Variants in PLCE1 observed in about 807,000 individuals in gnomAD.
The protein encoded by PLCE1 is 1-phosphatidylinositol 4,5-bisphosphate phosphodiesterase epsilon-1.
PLCE1 carries 119 observed loss-of-function variants against 242.8 expected under a neutral mutation model. That is an observed-to-expected ratio of 0.49 (90% CI 0.42 to 0.57). The LOEUF is 0.57. Ranked by LOEUF, PLCE1 falls within the 20% of genes least tolerant of loss-of-function variation. The pLI is 0.00. For missense variants in PLCE1, 2,441 were observed against 2,788.8 expected (o/e 0.88, Z 2.81); for synonymous variants, 945 against 1,017.4 (o/e 0.93, Z 1.35).
At chr10:94,313,012 CTAAT>C (rs2133734937) in intron 27 of PLCE1, among the ~76,000 whole-genome samples, 1 of 152,208 alleles carries the variant, frequency 6.6e-6, no homozygotes, top group South Asian at 2.1e-4. Flanking sequence ...ATATCAGCCT[CTAAT>C]TATGATGGAA....
rs1554877545 is a variant in PLCE1, at chr10:94,179,512, G to GTTTTTTTT, written c.1809+8027_1809+8034dup. On this transcript the variant is annotated intron_variant, in intron 4 of 32. Transcript: ENST00000371380. ...TTTATCTTATTTTTATTTTAGTTTA[G>GTTTTTTTT]TTTTTTTTTTTTTTTTTTGACAGGG... Among the ~76,000 whole-genome samples, 17 of 19,392 alleles carry GTTTTTTTT rather than the reference G, an allele frequency of 8.8e-4. 3 individuals carry two copies. Among genetic ancestry groups the GTTTTTTTT allele is most frequent in the African/African-American group, 1.3e-3 (8 of 6,288 alleles). The allele number at this position is 19,392 out of a possible 152,430, so 12.7% of individuals were successfully genotyped here.
At chr10:94,004,829 G>C (rs568285477) in intron 1 of PLCE1, among the ~76,000 whole-genome samples, 1 of 152,326 alleles carries the variant, frequency 6.6e-6, no homozygotes, top group African/African-American at 2.4e-5. Flanking sequence ...GAGTTTACCT[G>C]AGCCAGATGA....
Position 94,275,606 on chromosome 10 carries a change from C to A in PLCE1, c.4665+1886C>A, listed in dbSNP as rs141478605. On this transcript the variant is annotated intron_variant, in intron 19 of 32. Transcript: ENST00000371380. ...ATCCCAGCACTTTGGGAGGCCGAGG[C>A]AGGTCGATTGCTTGAATCTAGGAGT... is the stretch of plus-strand genomic sequence containing the variant. 3.9e-3 allele frequency among the ~76,000 whole-genome samples: 592 copies of A among 152,268 alleles called. 4 individuals are homozygous for A. Among genetic ancestry groups the A allele is most frequent in the African/African-American group, 0.013 (540 of 41,546 alleles).
intron 14 of PLCE1, among the ~76,000 whole-genome samples, chr10:94,264,297 C>T (rs991477435): frequency 1.3e-5 from 2 of 151,934 alleles, no homozygotes; most frequent in Admixed American, 6.6e-5. Flanking sequence ...AGGTCAAAGA[C>T]CAAGACAGCA....
At chr10:94,078,864 C>T (rs563101380) in intron 2 of PLCE1, among the ~76,000 whole-genome samples, 1 of 152,314 alleles carries the variant, frequency 6.6e-6, no homozygotes. Flanking sequence ...ATTACCAAAT[C>T]TGACCTCCAC....
chr10:94,070,882 C>G (rs567505978), intron 2 of PLCE1, among the ~76,000 whole-genome samples: 1 of 152,246 alleles, frequency 6.6e-6, no homozygotes, highest in African/African-American at 2.4e-5. Context: ...ATCTTAGGAC[C>G]CTCTTTTGCT....
At chr10:94,235,303 A>G (rs2050286083) in intron 6 of PLCE1, among the ~76,000 whole-genome samples, 1 of 151,700 alleles carries the variant, frequency 6.6e-6, no homozygotes. Context: ...TTAAAGGAAG[A>G]CTCCCGGGCC....
intron 2 of PLCE1, among the ~76,000 whole-genome samples, chr10:94,041,655 C>T (rs966924605): frequency 6.6e-6 from 1 of 152,146 alleles, no homozygotes; most frequent in African/African-American, 2.4e-5. Context: ...TTCAGAACCC[C>T]CAGTGCTTCC....
At chr10:94,243,129 A>C (rs1806151985) in intron 7 of PLCE1, among the ~76,000 whole-genome samples, 1 of 152,252 alleles carries the variant, frequency 6.6e-6, no homozygotes, top group South Asian at 2.1e-4. Flanking sequence ...ACAGGTCCTC[A>C]GCCAGGTGAT....
intron 1 of PLCE1, among the ~76,000 whole-genome samples, chr10:94,013,720 G>A (rs566543698): frequency 2.0e-5 from 3 of 152,322 alleles, no homozygotes; most frequent in East Asian, 1.9e-4. Context: ...CAGTGGTGGT[G>A]CATGCTCAAA....
At chr10:94,258,767 C>T (rs555004234) in intron 11 of PLCE1, 33 bp from the exon 12 acceptor site, 1 of 1,613,834 alleles carries the variant, frequency 6.2e-7, no homozygotes, top group Non-Finnish European at 8.5e-7. Context: ...GTGGCCTGCC[C>T]TTGTGCCCAT....
Position 94,252,420 on chromosome 10 carries a change from T to C in PLCE1, c.3201T>C (p.Asn1067=). Reference sequence around the variant, plus strand: ...CCAGCCCCGGAACATCAGCAAAGAATGCTGAGAAGCCCAATATGCAGAGAA... The same window carrying C: ...CCAGCCCCGGAACATCAGCAAAGAACGCTGAGAAGCCCAATATGCAGAGAA... ...RNPSPGTSAK[N]AEKPNMQRNN... Residue 1067 remains asparagine, a synonymous_variant, in exon 9 of 33, where the codon AAT becomes AAC. Coordinates refer to ENST00000371380, the MANE Select transcript of PLCE1 (RefSeq NM_016341.4). 1 of 1,614,030 alleles carries C rather than the reference T, an allele frequency of 6.2e-7. No individual in the cohort carries two copies. Among genetic ancestry groups the C allele is most frequent in the Non-Finnish European group, 8.5e-7 (1 of 1,179,982 alleles).
chr10:94,134,358 C>G (rs554254851), intron 3 of PLCE1, among the ~76,000 whole-genome samples: 1 of 152,276 alleles, frequency 6.6e-6, no homozygotes, highest in South Asian at 2.1e-4. Context: ...CTTGGCCTCT[C>G]AAAATGCTGG....
chr10:94,076,373 A>C (rs2044501580), intron 2 of PLCE1, among the ~76,000 whole-genome samples: 1 of 152,198 alleles, frequency 6.6e-6, no homozygotes. Context: ...TTTTGAATCT[A>C]GTTACACTTA....
intron 11 of PLCE1, among the ~76,000 whole-genome samples, chr10:94,256,323 C>CAAAAAAAAAAAAAAAAA (rs1316929334): frequency 1.8e-5 from 1 of 56,278 alleles, no homozygotes; most frequent in African/African-American, 6.8e-5. Context: ...GAGCTTGTCT[C>CAAAAAAAAAAAAAAAAA]AAAAAAAAAA....
chr10:94,170,730 C>T (rs2047945706), intron 3 of PLCE1, among the ~76,000 whole-genome samples: 2 of 152,144 alleles, frequency 1.3e-5, no homozygotes, highest in Admixed American at 6.5e-5. Flanking sequence ...AGGTGTCCTG[C>T]CTATTTACAC....
chr10:94,052,259 A>G (rs1377934979), intron 2 of PLCE1, among the ~76,000 whole-genome samples: 2 of 152,182 alleles, frequency 1.3e-5, no homozygotes, highest in African/African-American at 4.8e-5. Flanking sequence ...GGAGCACTCT[A>G]ATTGCTACTT....
chr10:94,005,165 T>A (rs1038342415), intron 1 of PLCE1, among the ~76,000 whole-genome samples: 2 of 152,184 alleles, frequency 1.3e-5, no homozygotes, highest in African/African-American at 4.8e-5. Flanking sequence ...CTGCTGGGAC[T>A]GAGGTAGCAC....
chr10:94,099,634 A>G (rs1170037571), intron 2 of PLCE1: 1 of 152,208 alleles, frequency 6.6e-6, no homozygotes, highest in East Asian at 1.9e-4. Context: ...ACAGATAACA[A>G]ATGCTCAAAA....
Sources: gnomAD v4.1 joint callset for allele counts (sites outside exome capture counted in the v4.1 genomes callset) on GRCh38, gnomAD v4.1.1 for gene constraint, MANE v1.5 for transcripts, NCBI Gene and HGNC (gene_info 2026-07-23, HGNC 2026-07-21) for gene names.